Variants in ERLIN2 observed in about 807,000 individuals in gnomAD.
ERLIN2 encodes erlin-2.
A neutral mutation model predicts 41.5 loss-of-function variants in ERLIN2; 22 were observed. The observed-to-expected ratio is 0.53, with a 90% CI of 0.38 to 0.76. ERLIN2 has a LOEUF of 0.76. Among genes scored for constraint, ERLIN2 ranks in the 30% least tolerant of loss-of-function variants. ERLIN2 has a pLI of 0.00. For synonymous variants in ERLIN2, 149 were observed against 150.9 expected (o/e 0.99, Z 0.09); for missense variants, 247 against 414.3 (o/e 0.60, Z 3.51).
intron 1 of ERLIN2, chr8:37,736,927 AG>A (rs1041048617): frequency 7.1e-6 from 7 of 985,878 alleles, no homozygotes; most frequent in Non-Finnish European, 8.4e-6. Context: ...GGGGCGGGGA[AG>A]GGGCGCGAGT....
At chr8:37,744,246 C>A in intron 4 of ERLIN2, 109 bp from the exon 5 acceptor site, 1 of 970,904 alleles carries the variant, frequency 1.0e-6, no homozygotes, top group Non-Finnish European at 1.7e-6. Context: ...TTCCCGTGAA[C>A]TCTTCTACTC....
rs909084630 is a variant in ERLIN2 at position 37,758,412 on chromosome 8, C to T, written c.*4297C>T. The T allele has an allele frequency of 6.6e-6, 1 of 152,082 alleles. No individual in the cohort carries two copies. Among genetic ancestry groups the T allele is most frequent in the African/African-American group, 2.4e-5 (1 of 41,406 alleles). 9.4% of individuals were successfully genotyped at this position (152,082 alleles called of 1,614,324 possible). A position where few individuals can be genotyped will look rare whatever the true frequency, so the allele number is the denominator to read the frequency against. On this transcript the variant is annotated 3_prime_UTR_variant, in exon 12 of 12. Coordinates refer to ENST00000519638, the MANE Select transcript of ERLIN2 (RefSeq NM_007175.8). ...TTCATTAATAAAATGAGTTGCATGG[C>T]TTATATGAAATAATGCATACGAAGG...
intron 6 of ERLIN2, chr8:37,748,074 G>A (rs1239396208): frequency 1.3e-5 from 17 of 1,262,672 alleles, no homozygotes; most frequent in Admixed American, 1.8e-5. Context: ...TCACGAGCGC[G>A]CCTTGCGCCT....
chr8:37,754,372 T>G lies in ERLIN2; in HGVS notation c.*257T>G. ...AATCATGGGCTTGACCTTTGACCTC[T>G]AGACACTAATTTTATCCTTTGAGGC... On this transcript the variant is annotated 3_prime_UTR_variant, in exon 12 of 12. Transcript: ENST00000519638. 2.1e-6 allele frequency: 1 copy of G among 474,550 alleles called. No individual in the cohort carries two copies. Among genetic ancestry groups the G allele is most frequent in the Non-Finnish European group, 3.9e-6 (1 of 259,282 alleles). 29.4% of individuals were successfully genotyped at this position (474,550 alleles called of 1,614,324 possible).
At chr8:37,747,922 T>C in intron 6 of ERLIN2, 1 of 1,614,146 alleles carries the variant, frequency 6.2e-7, no homozygotes, top group Non-Finnish European at 8.5e-7. Flanking sequence ...GTAGTACACA[T>C]GGAGGGGCTT....
rs376022913 is a variant in ERLIN2 at position 37,749,862 on chromosome 8, C to T, written c.557+10C>T. The T allele has an allele frequency of 8.8e-5, 142 of 1,613,070 alleles. No individual in the cohort carries two copies. Among genetic ancestry groups the T allele is most frequent in the Non-Finnish European group, 1.1e-4 (134 of 1,179,122 alleles). On this transcript the variant is annotated intron_variant, in intron 8 of 11. Transcript: ENST00000519638. ...GAAACTACGAGTTGATGTGAGTATACCCTCCGCCTGGGCTGTGACCACCAC... is the reference window on the plus strand; with the variant it reads ...GAAACTACGAGTTGATGTGAGTATATCCTCCGCCTGGGCTGTGACCACCAC...
chr8:37,748,146 A>G, intron 6 of ERLIN2: 1 of 652,250 alleles, frequency 1.5e-6, no homozygotes, highest in South Asian at 1.9e-5. Flanking sequence ...TCCATAACAT[A>G]TAAACATCAA....
rs1802803802 is a variant in ERLIN2 at position 37,740,300 on chromosome 8, G to A, written c.108-65G>A. 6.5e-6 allele frequency: 7 copies of A among 1,084,046 alleles called. No individual in the cohort carries two copies. The South Asian group carries it at 8.7e-5, about 13-fold the overall frequency. 67.2% of individuals were successfully genotyped at this position (1,084,046 alleles called of 1,614,324 possible). On this transcript the variant is annotated intron_variant, in intron 2 of 11. Coordinates refer to ENST00000519638, the MANE Select transcript of ERLIN2 (RefSeq NM_007175.8). ...GGCTGAAGGGAAAGTTGACCCTCAT[G>A]ATATTGATCTAACAGAGCCTTCTTG... is the stretch of plus-strand genomic sequence containing the variant.
chr8:37,751,617 T>A lies in ERLIN2; in HGVS notation c.650-9T>A. On this transcript the variant is annotated splice_polypyrimidine_tract_variant and intron_variant, in intron 9 of 11. Transcript: ENST00000519638. The stretch of plus-strand genomic sequence containing the variant: ...GCCAGAACCGTAATCCTCACTATCA[T>A]TTATTCAGAGGCAGAAAAAGTGGCC... 1 of 1,607,988 alleles carries A rather than the reference T, an allele frequency of 6.2e-7. No individual in the cohort carries two copies. Among genetic ancestry groups the A allele is most frequent in the Non-Finnish European group, 8.5e-7 (1 of 1,174,386 alleles).
rs746380096 is a variant in ERLIN2 at position 37,747,727 on chromosome 8, C to CAA, written c.425-1831_425-1830insAA. Reference sequence around the variant, plus strand: ...GAAGAGCAGCAGTCCACACTTTGCACATTTCTTTCTGTACTGTAGTTCAAT... The same window carrying CAA: ...GAAGAGCAGCAGTCCACACTTTGCACAAATTTCTTTCTGTACTGTAGTTCAAT... On this transcript the variant is annotated intron_variant, in intron 6 of 11. Coordinates refer to ENST00000519638, the MANE Select transcript of ERLIN2 (RefSeq NM_007175.8). 8.7e-5 allele frequency: 138 copies of CAA among 1,587,730 alleles called. 1 individual carries two copies. The South Asian group carries it at 8.8e-4, about 10-fold the overall frequency.
intron 4 of ERLIN2, among the ~76,000 whole-genome samples, chr8:37,742,418 G>A (rs1563312144): frequency 6.6e-6 from 1 of 151,192 alleles, no homozygotes; most frequent in African/African-American, 2.4e-5. Context: ...GCCCATCAAC[G>A]ATAGACAGGA....
chr8:37,744,023 C>T (rs1802948540), intron 4 of ERLIN2, among the ~76,000 whole-genome samples: 1 of 152,196 alleles, frequency 6.6e-6, no homozygotes, highest in African/African-American at 2.4e-5. Context: ...CTGAAAACTT[C>T]ACCTTGACCC....
At chr8:37,749,488 T>C in intron 6 of ERLIN2, 71 bp from the exon 7 acceptor site, 1 of 1,040,814 alleles carries the variant, frequency 9.6e-7, no homozygotes, top group Non-Finnish European at 1.5e-6. Flanking sequence ...AGCTTGCACT[T>C]TACCTCATCC....
chr8:37,745,339 A>G (rs909064260), intron 6 of ERLIN2: 2 of 576,992 alleles, frequency 3.5e-6, no homozygotes, highest in Middle Eastern at 4.5e-4. Context: ...ATAGAAAAAC[A>G]CTTTAAACAA....
chr8:37,749,708 G>T (rs1053321392), intron 7 of ERLIN2, 76 bp downstream of exon 7: 124 of 1,557,322 alleles, frequency 8.0e-5, no homozygotes, highest in Admixed American at 2.2e-4. Flanking sequence ...TCCTTTTTGT[G>T]CAGGAAGATC....
chr8:37,746,202 A>G, intron 6 of ERLIN2: 4 of 986,110 alleles, frequency 4.1e-6, no homozygotes, highest in Non-Finnish European at 4.8e-6. Flanking sequence ...CTGGCCCTTC[A>G]ACTCAGAAGG....
chr8:37,745,531 G>T (rs1344102385), intron 6 of ERLIN2: 2 of 1,608,892 alleles, frequency 1.2e-6, no homozygotes, highest in African/African-American at 1.3e-5. Context: ...AAAAGTAAAT[G>T]AATTTTTAAC....
At chr8:37,747,345 CT>C (rs2129697487) in intron 6 of ERLIN2, 1 of 1,293,196 alleles carries the variant, frequency 7.7e-7, no homozygotes, top group Non-Finnish European at 1.1e-6. Flanking sequence ...GTTATTTGAA[CT>C]GGTTGTCAAT....
chr8:37,757,058 G>A lies in ERLIN2; in HGVS notation c.*2943G>A, dbSNP rs1437417297. The A allele has an allele frequency of 6.6e-6, 1 of 152,070 alleles. No homozygotes were observed. The highest frequency in any genetic ancestry group is 2.1e-4 in the South Asian group (1 of 4,822). 9.4% of individuals were successfully genotyped at this position (152,070 alleles called of 1,614,324 possible). A position where few individuals can be genotyped will look rare whatever the true frequency, so the allele number is the denominator to read the frequency against. ...ATCTGTGATCATATAAAAAGGGAGG[G>A]TTACTGAAAGAATTTTAGCAATATA... On this transcript the variant is annotated 3_prime_UTR_variant, in exon 12 of 12. Coordinates refer to ENST00000519638, the MANE Select transcript of ERLIN2 (RefSeq NM_007175.8).
Sources: allele counts gnomAD v4.1 joint callset (sites outside exome capture counted in the v4.1 genomes callset), GRCh38; gene constraint gnomAD v4.1.1; transcripts MANE v1.5; gene names NCBI Gene and HGNC (gene_info 2026-07-23, HGNC 2026-07-21).